The following ZNF277 variants were observed in gnomAD, a reference collection of about 807,000 sequenced individuals.
The protein encoded by ZNF277 is nuclear receptor-interacting factor 4.
In ZNF277, 55 loss-of-function variants were observed where a neutral mutation model predicts 60.7. That is an observed-to-expected ratio of 0.91 (90% CI 0.73 to 1.13). The LOEUF (loss-of-function observed/expected upper bound fraction) is 1.13, where lower values mean the gene tolerates loss of function less well. Among genes scored for constraint, ZNF277 ranks in the 50% most tolerant of loss-of-function variants. The pLI is 0.00. For synonymous variants in ZNF277, 178 were observed against 179.3 expected (o/e 0.99, Z 0.06); for missense variants, 510 against 523.0 (o/e 0.98, Z 0.24).
chr7:112,298,665 A>C (rs1792406740), intron 4 of ZNF277, among the ~76,000 whole-genome samples: 2 of 152,184 alleles, frequency 1.3e-5, no homozygotes, highest in Admixed American at 6.5e-5. Context: ...GACTAGACCA[A>C]CTTGGGGATT....
chr7:112,296,926 T>TTTTTTTTTTTTTTTTTTTTTTTTTTC (rs1792364136), intron 4 of ZNF277, among the ~76,000 whole-genome samples: 1 of 82,432 alleles, frequency 1.2e-5, no homozygotes, highest in Non-Finnish European at 2.6e-5. Flanking sequence ...TTTTTTTTTT[T>TTTTTTTTTTTTTTTTTTTTTTTTTTC]TTTTTTTTTT....
At chr7:112,234,646 C>A (rs1460961184) in intron 1 of ZNF277, among the ~76,000 whole-genome samples, 1 of 152,034 alleles carries the variant, frequency 6.6e-6, no homozygotes, top group Non-Finnish European at 1.5e-5. Flanking sequence ...TGTAGAGATG[C>A]CTATCCTTGA....
At chr7:112,309,552 G>A in intron 4 of ZNF277, among the ~76,000 whole-genome samples, 1 of 151,722 alleles carries the variant, frequency 6.6e-6, no homozygotes, top group East Asian at 2.0e-4. Flanking sequence ...TTTTTTTAAG[G>A]CTTGATATTG....
Position 112,271,633 on chromosome 7 carries a change from A to G in ZNF277, c.92-15240A>G, listed in dbSNP as rs563374236. On this transcript the variant is annotated intron_variant, in intron 1 of 11. Transcript: ENST00000361822. ...GAAAAAGGATTTATTAAATACTTCA[A>G]AGTAAGGCCAAACCACCTGCCTTAG... Among the ~76,000 whole-genome samples, 133 of 152,364 alleles carry G rather than the reference A, an allele frequency of 8.7e-4. 1 individual carries two copies. Among genetic ancestry groups the G allele is most frequent in the African/African-American group, 2.9e-3 (122 of 41,596 alleles).
chr7:112,242,557 CAAA>C (rs34058145), intron 1 of ZNF277, among the ~76,000 whole-genome samples: 124 of 99,492 alleles, frequency 1.2e-3, no homozygotes, highest in Non-Finnish European at 1.8e-3. Context: ...TAATAGCTAC[CAAA>C]AAAAAAAAAA....
chr7:112,230,458 G>GC (rs1305825410), intron 1 of ZNF277, among the ~76,000 whole-genome samples: 1 of 152,174 alleles, frequency 6.6e-6, no homozygotes, highest in Non-Finnish European at 1.5e-5. Context: ...TCCCAGATTG[G>GC]CCCCACTACT....
At chr7:112,226,309 G>A (rs1277344740) in intron 1 of ZNF277, among the ~76,000 whole-genome samples, 1 of 149,722 alleles carries the variant, frequency 6.7e-6, no homozygotes, top group Non-Finnish European at 1.5e-5. Context: ...ACAAGAAACA[G>A]GTATTTTTTC....
At chr7:112,318,310 A>AG in intron 5 of ZNF277, 37 bp downstream of exon 5, 1 of 1,569,314 alleles carries the variant, frequency 6.4e-7, no homozygotes, top group Non-Finnish European at 8.8e-7. Flanking sequence ...TACTGTTTTT[A>AG]ATCTGAAAAC....
At position 112,295,962 on chromosome 7, in the gene ZNF277, G is replaced by A. The variant is rs747145604; in HGVS notation, c.382+5G>A. ...TTAATTCCACTGCTCCATTTGGTAA[G>A]TGTACATCTTGGCTACCATCTTTTC... On this transcript the variant is annotated splice_donor_5th_base_variant and intron_variant, in intron 3 of 11. Coordinates refer to ENST00000361822, the MANE Select transcript of ZNF277 (RefSeq NM_021994.3). 4 of 1,600,128 alleles carry A rather than the reference G, an allele frequency of 2.5e-6. No homozygotes were observed. Among genetic ancestry groups the A allele is most frequent in the Admixed American group, 1.7e-5 (1 of 59,946 alleles).
intron 1 of ZNF277, among the ~76,000 whole-genome samples, chr7:112,286,361 C>T (rs1792063418): frequency 6.6e-6 from 1 of 152,196 alleles, no homozygotes; most frequent in African/African-American, 2.4e-5. Flanking sequence ...GAGCTTTGTT[C>T]TTGTTTGTGA....
At chr7:112,317,682 G>A (rs1247832056) in intron 4 of ZNF277, among the ~76,000 whole-genome samples, 1 of 152,032 alleles carries the variant, frequency 6.6e-6, no homozygotes. Context: ...TGTTAGAAAA[G>A]GGATTGAAAT....
chr7:112,265,248 A>C (rs1791523557), intron 1 of ZNF277, among the ~76,000 whole-genome samples: 1 of 152,120 alleles, frequency 6.6e-6, no homozygotes, highest in Non-Finnish European at 1.5e-5. Context: ...ATTTAAAGTG[A>C]CAGACTTGAG....
rs572668801 is a variant in ZNF277 at position 112,296,293 on chromosome 7, G to C, written c.447G>C (p.Glu149Asp). The change falls in exon 4 of 12, where the codon GAG becomes GAC. Residue 149 changes from glutamate to aspartate, a missense_variant. Transcript: ENST00000361822. ...VLPEDRILRE[E>D]LQKQRLREIL... is the part of the protein sequence containing the mutation. ...CAGAAGATAGAATTCTTAGAGAAGA[G>C]CTTCAGAAACAGAGACTGGTAAGAA... The C allele has an allele frequency of 6.3e-7, 1 of 1,585,238 alleles. No individual in the cohort carries two copies.
intron 4 of ZNF277, among the ~76,000 whole-genome samples, chr7:112,310,405 G>A (rs184558122): frequency 6.7e-6 from 1 of 149,434 alleles, no homozygotes; most frequent in East Asian, 2.0e-4. Flanking sequence ...TGTTTCCCTT[G>A]TCTGCCAAAG....
chr7:112,255,625 A>G (rs1243149260), intron 1 of ZNF277, among the ~76,000 whole-genome samples: 1 of 152,230 alleles, frequency 6.6e-6, no homozygotes, highest in Non-Finnish European at 1.5e-5. Context: ...ATCAGTAACA[A>G]TACAGTAATT....
intron 4 of ZNF277, among the ~76,000 whole-genome samples, chr7:112,299,583 G>A (rs189643561): frequency 2.6e-5 from 4 of 152,148 alleles, no homozygotes; most frequent in Admixed American, 6.5e-5. Flanking sequence ...CAGCTTGGTG[G>A]TTTTTTCCTT....
chr7:112,241,474 C>T (rs1161655458), intron 1 of ZNF277, among the ~76,000 whole-genome samples: 1 of 151,884 alleles, frequency 6.6e-6, no homozygotes, highest in Admixed American at 6.6e-5. Flanking sequence ...TAAAAATGTG[C>T]AATCCAGCAA....
chr7:112,266,223 G>A (rs1791547448), intron 1 of ZNF277, among the ~76,000 whole-genome samples: 2 of 151,794 alleles, frequency 1.3e-5, no homozygotes, highest in South Asian at 4.2e-4. Flanking sequence ...TGGGCTCACT[G>A]CAACCTCCCA....
At chr7:112,244,479 A>G (rs1427680679) in intron 1 of ZNF277, among the ~76,000 whole-genome samples, 2 of 152,124 alleles carry the variant, frequency 1.3e-5, no homozygotes, top group African/African-American at 4.8e-5. Flanking sequence ...TATAATTTAA[A>G]TCGCATATAC....
Sources: allele counts gnomAD v4.1 joint callset (sites outside exome capture counted in the v4.1 genomes callset), GRCh38; gene constraint gnomAD v4.1.1; transcripts MANE v1.5; gene names NCBI Gene and HGNC (gene_info 2026-07-23, HGNC 2026-07-21).